BPIFB1: variants seen among roughly 807,000 people sequenced by gnomAD.
BPIFB1 encodes the protein BPI fold containing family B member 1, also known as BPI fold-containing family B member 1.
In BPIFB1, 34 loss-of-function variants were observed where a neutral mutation model predicts 55.1. The observed-to-expected ratio is 0.62, with a 90% CI of 0.47 to 0.82. The LOEUF (loss-of-function observed/expected upper bound fraction) is 0.82, where lower values mean the gene tolerates loss of function less well. Among genes scored for constraint, BPIFB1 ranks in the 40% least tolerant of loss-of-function variants. The pLI is 0.00. For missense variants in BPIFB1, 532 were observed against 593.1 expected (o/e 0.90, Z 1.07); for synonymous variants, 236 against 245.3 (o/e 0.96, Z 0.35).
rs200329226 is a variant in BPIFB1, at chr20:33,304,854, G to A, written c.1217G>A (p.Arg406Gln). The change falls in exon 13 of 16, where the codon CGG (arginine) becomes CAG (glutamine). Residue 406 changes from arginine to glutamine, a missense_variant. By Grantham distance (43) the Arg-to-Gln change is conservative (BLOSUM62 1). Coordinates refer to ENST00000253354, the MANE Select transcript of BPIFB1 (RefSeq NM_033197.3). The stretch of plus-strand genomic sequence containing the variant: ...GGCATCTTCCATTGCAGCTCTGATC[G>A]GATCCAGCTGATGAACTCTGGGATT... ...ILNLNNISSD[R>Q]IQLMNSGIGW... 2.5e-5 allele frequency: 40 copies of A among 1,614,138 alleles called. No individual in the cohort carries two copies. The highest frequency in any genetic ancestry group is 1.6e-4 in the Middle Eastern group (1 of 6,062).
chr20:33,306,828 C>T lies in BPIFB1; in HGVS notation c.1319-83C>T, dbSNP rs555442997. 68 of 1,170,762 alleles carry T rather than the reference C, an allele frequency of 5.8e-5. 1 individual carries two copies. In the South Asian group the frequency reaches 8.3e-4, roughly 14 times the overall value. 72.5% of individuals were successfully genotyped at this position (1,170,762 alleles called of 1,614,324 possible). ...TGATCAGGCCTGCCAGGCCGGGGCT[C>T]CCCTTCAGGAACCCTGAGCCTGCCC... On this transcript the variant is annotated intron_variant, in intron 14 of 15. Transcript: ENST00000253354.
chr20:33,301,258 A>C lies in BPIFB1; in HGVS notation c.773A>C (p.Lys258Thr). The C allele has an allele frequency of 6.2e-7, 1 of 1,614,216 alleles. No individual in the cohort carries two copies. The highest frequency in any genetic ancestry group is 1.1e-5 in the South Asian group (1 of 91,082). The change falls in exon 9 of 16, where the codon AAG becomes ACG. Residue 258 changes from lysine to threonine, a missense_variant. Transcript: ENST00000253354. ...LGAKLLDSQG[K>T]VTKWFNNSAA... ...GCCAAGTTGTTGGACTCACAGGGAAAGGTGACCAAGTGGTTCAATAACTCT... is the reference window on the plus strand; with the variant it reads ...GCCAAGTTGTTGGACTCACAGGGAACGGTGACCAAGTGGTTCAATAACTCT...
chr20:33,283,390 G>A (rs1361337278), intron 1 of BPIFB1, 136 bp downstream of exon 1: 2 of 152,602 alleles, frequency 1.3e-5, no homozygotes, highest in Admixed American at 6.5e-5. Flanking sequence ...GATCCGCTGA[G>A]GGTCAGGGCC....
At chr20:33,286,976 A>T (rs1192284311) in intron 2 of BPIFB1, among the ~76,000 whole-genome samples, 1 of 152,154 alleles carries the variant, frequency 6.6e-6, no homozygotes, top group Non-Finnish European at 1.5e-5. Flanking sequence ...AGAGGACCAG[A>T]CCTCTGCATT....
chr20:33,298,828 C>A, intron 7 of BPIFB1: 1 of 167,772 alleles, frequency 6.0e-6, no homozygotes. Context: ...AGAGTTCTTC[C>A]AATCGTCAGA....
intron 14 of BPIFB1, chr20:33,306,593 A>G (rs567316029): frequency 1.3e-4 from 46 of 359,118 alleles, no homozygotes; most frequent in African/African-American, 8.6e-4. Flanking sequence ...TAATTTCTTT[A>G]TTTTATTAGA....
intron 1 of BPIFB1, among the ~76,000 whole-genome samples, chr20:33,284,304 AT>A (rs1200812137): frequency 2.0e-5 from 3 of 152,224 alleles, no homozygotes; most frequent in Admixed American, 2.0e-4. Context: ...AGCCAATAAT[AT>A]TTTCCCCTCC....
At chr20:33,299,136 G>A (rs1242264628) in intron 7 of BPIFB1, 3 of 456,602 alleles carry the variant, frequency 6.6e-6, no homozygotes, top group Admixed American at 2.3e-5. Context: ...TCAGACGCGA[G>A]AAGAGACCAG....
At chr20:33,289,380 T>G (rs1600661963) in intron 3 of BPIFB1, among the ~76,000 whole-genome samples, 1 of 84,344 alleles carries the variant, frequency 1.2e-5, no homozygotes, top group Non-Finnish European at 2.2e-5. Context: ...AGATTCTGTC[T>G]CAAAAAAAAA....
chr20:33,296,706 T>C (rs1244396976), intron 6 of BPIFB1, among the ~76,000 whole-genome samples: 1 of 152,190 alleles, frequency 6.6e-6, no homozygotes, highest in Non-Finnish European at 1.5e-5. Context: ...AATGTCTCCT[T>C]GGGGACAAAA....
intron 3 of BPIFB1, 45 bp downstream of exon 3, chr20:33,288,927 C>T (rs200424710): frequency 1.9e-6 from 3 of 1,581,496 alleles, no homozygotes; most frequent in South Asian, 1.1e-5. Flanking sequence ...CTTCCCACAC[C>T]TTTGCCCGGG....
rs1980836954 is a variant in BPIFB1, at chr20:33,301,213, T to C, written c.748-20T>C. On this transcript the variant is annotated intron_variant, in intron 8 of 15. Coordinates refer to ENST00000253354, the MANE Select transcript of BPIFB1 (RefSeq NM_033197.3). ...TGCAGAGTTAAAATTCTTAGCTGAC[T>C]CCCTGCTCTGTCTCCTCAGGCCAAG... The C allele has an allele frequency of 6.2e-7, 1 of 1,609,840 alleles. No individual in the cohort carries two copies. The highest frequency in any genetic ancestry group is 1.7e-5 in the Admixed American group (1 of 59,896).
chr20:33,305,864 C>G, intron 13 of BPIFB1, 138 bp from the exon 14 acceptor site: 4 of 962,892 alleles, frequency 4.2e-6, no homozygotes, highest in Non-Finnish European at 6.5e-6. Context: ...CCCCACAGCT[C>G]TGATCAGCAG....
intron 3 of BPIFB1, 123 bp downstream of exon 3, chr20:33,289,005 CA>C: frequency 8.8e-7 from 1 of 1,142,832 alleles, no homozygotes; most frequent in Non-Finnish European, 1.2e-6. Context: ...AAGAGTGGAT[CA>C]AACAAAGCCC....
At chr20:33,298,997 C>T (rs1171912213) in intron 7 of BPIFB1, 24 of 196,918 alleles carry the variant, frequency 1.2e-4, no homozygotes, top group African/African-American at 6.5e-4. Flanking sequence ...TTTTTGGAGA[C>T]GGACCTTTTT....
In BPIFB1 at chr20:33,306,009, T is replaced by C; in HGVS notation, c.1262T>C (p.Val421Ala). ...NSGIGWFQPDVLKNIITEIIH... is the reference protein window; with the variant it reads ...NSGIGWFQPDALKNIITEIIH... ...CCCTTCTCTCTCTCACAGCCTGATGTTCTGAAAAACATCATCACTGAGATC... is the reference window on the plus strand; with the variant it reads ...CCCTTCTCTCTCTCACAGCCTGATGCTCTGAAAAACATCATCACTGAGATC... Residue 421 changes from valine to alanine, a missense_variant, in exon 14 of 16, where the codon GTT becomes GCT. By Grantham distance (64) the Val-to-Ala change is moderately conservative. Coordinates refer to ENST00000253354, the MANE Select transcript of BPIFB1 (RefSeq NM_033197.3). The C allele has an allele frequency of 3.7e-6, 6 of 1,614,150 alleles. No homozygotes were observed. Among genetic ancestry groups the C allele is most frequent in the Non-Finnish European group, 5.1e-6 (6 of 1,180,012 alleles).
chr20:33,305,475 G>A (rs1171156762), intron 13 of BPIFB1, among the ~76,000 whole-genome samples: 2 of 151,634 alleles, frequency 1.3e-5, no homozygotes, highest in African/African-American at 2.4e-5. Context: ...CCACCACCAC[G>A]CCCGGCTAAT....
At chr20:33,287,478 C>A (rs1980306093) in intron 2 of BPIFB1, among the ~76,000 whole-genome samples, 2 of 152,174 alleles carry the variant, frequency 1.3e-5, no homozygotes, top group South Asian at 4.1e-4. Flanking sequence ...GAGGAATTGG[C>A]TAAGAGGGAA....
chr20:33,304,046 G>C (rs775970627), intron 12 of BPIFB1, 21 bp downstream of exon 12: 1 of 1,603,584 alleles, frequency 6.2e-7, no homozygotes, highest in South Asian at 1.1e-5. Flanking sequence ...AAATCATCAT[G>C]AAGATTCTGC....
Sources: gnomAD v4.1 joint callset for allele counts (sites outside exome capture counted in the v4.1 genomes callset) on GRCh38, gnomAD v4.1.1 for gene constraint, MANE v1.5 for transcripts, NCBI Gene and HGNC (gene_info 2026-07-23, HGNC 2026-07-21) for gene names.